Variants in SMS observed in about 807,000 individuals in gnomAD.
SMS encodes the protein spermine synthase.
In SMS, 3 loss-of-function variants were observed where a neutral mutation model predicts 33.0. The observed-to-expected ratio is 0.09, with a 90% confidence interval of 0.04 to 0.23. The LOEUF is 0.23. Among genes scored for constraint, SMS ranks in the 10% least tolerant of loss-of-function variants. The pLI, the probability that SMS is intolerant of heterozygous loss-of-function variation, is 1.00. For missense variants in SMS, 117 were observed against 288.6 expected (o/e 0.41, Z 4.31); for synonymous variants, 103 against 112.2 (o/e 0.92, Z 0.52).
intron 7 of SMS, among the ~76,000 whole-genome samples, chrX:21,980,432 ATAT>A (rs1924860201): frequency 2.3e-5 from 2 of 87,318 alleles, no homozygotes; most frequent in Non-Finnish European, 4.4e-5. Flanking sequence ...AAAAAAAAAT[ATAT>A]ATATATATAT....
At chrX:21,974,407 C>T (rs962743706) in intron 4 of SMS, among the ~76,000 whole-genome samples, 2 of 112,096 alleles carry the variant, frequency 1.8e-5, no homozygotes, top group African/African-American at 6.5e-5. Flanking sequence ...AGCCATGTCT[C>T]TTACCCTTCA....
chrX:21,949,055 G>C (rs1017239913), intron 1 of SMS, among the ~76,000 whole-genome samples: 2 of 112,014 alleles, frequency 1.8e-5, no homozygotes, highest in African/African-American at 3.2e-5. Context: ...TCATTAAATT[G>C]ACACTGTCAT....
At chrX:21,961,325 G>A (rs1923332792) in intron 1 of SMS, among the ~76,000 whole-genome samples, 2 of 110,632 alleles carry the variant, frequency 1.8e-5, no homozygotes, top group South Asian at 7.8e-4. Context: ...AGGCTCTGGT[G>A]GGAGGCTTGG....
In SMS at chrX:21,977,037, A is replaced by G. The variant is rs771395667; in HGVS notation, c.330-24A>G. ...GTAAGGCAGTGTTCTAGTAAGGTAC[A>G]TTTCTGTTTTTCTCTTTTTCCAGAT... On this transcript the variant is annotated intron_variant, in intron 4 of 10. Transcript: ENST00000404933. The G allele has an allele frequency of 7.6e-5, 91 of 1,195,571 alleles. No individual in the cohort carries two copies. In the East Asian group the frequency reaches 2.7e-3, roughly 35 times the overall value.
intron 9 of SMS, among the ~76,000 whole-genome samples, chrX:21,988,981 CTG>C (rs949360032): frequency 1.8e-5 from 2 of 110,854 alleles, no homozygotes; most frequent in East Asian, 2.8e-4. Context: ...TTAAAAAAAA[CTG>C]TAAGTTATAT....
chrX:21,954,720 A>G (rs1414248241), intron 1 of SMS, among the ~76,000 whole-genome samples: 2 of 111,749 alleles, frequency 1.8e-5, no homozygotes, highest in Non-Finnish European at 1.9e-5. Context: ...ACGGTCTAAT[A>G]TAAATGTGAT....
chrX:21,949,829 T>C (rs1922483262), intron 1 of SMS, among the ~76,000 whole-genome samples: 1 of 110,950 alleles, frequency 9.0e-6, no homozygotes, highest in African/African-American at 3.3e-5. Context: ...TGAGCATCCC[T>C]AATCCGAAAT....
At chrX:21,992,523 A>G (rs2146960198) in intron 9 of SMS, 74 bp from the exon 10 acceptor site, 1 of 604,402 alleles carries the variant, frequency 1.7e-6, no homozygotes, top group East Asian at 3.2e-5. Flanking sequence ...GTTCTCCTTT[A>G]TTAAAGACCT....
At chrX:21,966,596 C>T (rs779931393) in intron 1 of SMS, among the ~76,000 whole-genome samples, 13 of 110,916 alleles carry the variant, frequency 1.2e-4, no homozygotes, top group Non-Finnish European at 2.5e-4. Flanking sequence ...AGCAGGTTGT[C>T]CCATATGGAA....
intron 4 of SMS, among the ~76,000 whole-genome samples, chrX:21,975,303 A>C (rs1425563038): frequency 1.8e-5 from 2 of 111,274 alleles, no homozygotes; most frequent in Non-Finnish European, 3.8e-5. Context: ...CATCCTGTTA[A>C]GATCCTTCTT....
At chrX:21,981,182 G>A (rs1334174939) in intron 7 of SMS, among the ~76,000 whole-genome samples, 1 of 110,487 alleles carries the variant, frequency 9.1e-6, no homozygotes, top group Non-Finnish European at 1.9e-5. Context: ...TTAGCCCGAC[G>A]TGGTGGTGGG....
intron 9 of SMS, among the ~76,000 whole-genome samples, chrX:21,988,308 G>A (rs188525938): frequency 1.8e-3 from 206 of 111,425 alleles, no homozygotes; most frequent in Admixed American, 4.3e-3. Flanking sequence ...CAGGTGACAC[G>A]CTTAGGAGGT....
chrX:21,953,203 T>A (rs2147493986), intron 1 of SMS, among the ~76,000 whole-genome samples: 1 of 109,528 alleles, frequency 9.1e-6, no homozygotes, highest in African/African-American at 3.3e-5. Context: ...AGGAGGATAT[T>A]TATTATTTAG....
chrX:21,955,449 A>T (rs924174100), intron 1 of SMS, among the ~76,000 whole-genome samples: 1 of 112,157 alleles, frequency 8.9e-6, no homozygotes, highest in Non-Finnish European at 1.9e-5. Flanking sequence ...CACACGTCAC[A>T]TGCCAATTTT....
intron 6 of SMS, 130 bp downstream of exon 6, chrX:21,978,244 C>A: frequency 1.6e-6 from 1 of 622,671 alleles, no homozygotes; most frequent in Non-Finnish European, 2.7e-6. Context: ...CTTGAACAGA[C>A]AATTTAGTAA....
chrX:21,941,143 C>G (rs1921731362), intron 1 of SMS: 1 of 111,086 alleles, frequency 9.0e-6, no homozygotes, highest in African/African-American at 3.2e-5. Flanking sequence ...GCCGGCCGCG[C>G]CGCCCTTCCG....
At chrX:21,988,662 CAAAA>C (rs199561897) in intron 9 of SMS, among the ~76,000 whole-genome samples, 9 of 66,140 alleles carry the variant, frequency 1.4e-4, no homozygotes, top group Non-Finnish European at 1.7e-4. Flanking sequence ...GACTCTGTCT[CAAAA>C]AAAAAAAAAA....
chrX:21,977,835 A>G, intron 5 of SMS, 125 bp from the exon 6 acceptor site: 1 of 705,781 alleles, frequency 1.4e-6, no homozygotes, highest in Non-Finnish European at 2.3e-6. Context: ...AATTGTTCAC[A>G]GTTTTAAAAA....
At chrX:21,978,341 G>C (rs1188816806) in intron 6 of SMS, among the ~76,000 whole-genome samples, 4 of 111,539 alleles carry the variant, frequency 3.6e-5, no homozygotes, top group Admixed American at 9.6e-5. Flanking sequence ...TTGGGAGGCC[G>C]AGGCGGGTGG....
Sources: allele counts gnomAD v4.1 joint callset (sites outside exome capture counted in the v4.1 genomes callset), GRCh38; gene constraint gnomAD v4.1.1; transcripts MANE v1.5; gene names NCBI Gene and HGNC (gene_info 2026-07-23, HGNC 2026-07-21).